Variants in VPS37C observed in about 807,000 individuals in gnomAD.
VPS37C encodes vacuolar protein sorting-associated protein 37C.
A neutral mutation model predicts 16.1 loss-of-function variants in VPS37C; 9 were observed. The ratio of observed to expected loss-of-function variants is 0.56; its 90% CI spans 0.34 to 0.97. The LOEUF (loss-of-function observed/expected upper bound fraction) is 0.97, where lower values mean the gene tolerates loss of function less well. Ranked by LOEUF, VPS37C falls within the 50% of genes least tolerant of loss-of-function variation. The pLI is 0.02. For missense variants in VPS37C, 479 were observed against 472.7 expected (o/e 1.01, Z -0.12); for synonymous variants, 207 against 206.4 (o/e 1.00, Z -0.02).
At chr11:61,150,030 A>G (rs1397300708) in intron 1 of VPS37C, among the ~76,000 whole-genome samples, 1 of 152,108 alleles carries the variant, frequency 6.6e-6, no homozygotes, top group Admixed American at 6.5e-5. Context: ...TTGCTGACCC[A>G]GTCCGTCCCC....
intron 1 of VPS37C, chr11:61,143,474 T>C (rs532850839): frequency 1.4e-5 from 2 of 139,626 alleles, no homozygotes; most frequent in South Asian, 4.7e-4. Flanking sequence ...ACCTCCCGGG[T>C]TCAAGCAATT....
Position 61,158,548 on chromosome 11 carries a change from A to G in VPS37C, c.-7+2843T>C, listed in dbSNP as rs189250686. ...AATTAGAAATCAGTGTTTACCAGAT[A>G]GGAGAATAAAGTAATCCTATAATGC... On this transcript the variant is annotated intron_variant, in intron 1 of 4. Transcript: ENST00000301765. Among the ~76,000 whole-genome samples the G allele has an allele frequency of 2.1e-4, 32 of 152,374 alleles. No homozygotes were observed. In the Middle Eastern group the frequency reaches 0.01, roughly 49 times the overall value.
At chr11:61,156,724 A>G (rs1382124227) in intron 1 of VPS37C, among the ~76,000 whole-genome samples, 2 of 152,244 alleles carry the variant, frequency 1.3e-5, no homozygotes, top group Non-Finnish European at 2.9e-5. Context: ...CTATTTTTAA[A>G]AACTGTTTTA....
Position 61,131,901 on chromosome 11 carries a change from G to C in VPS37C, c.987C>G (p.Pro329=). 7.8e-7 allele frequency: 1 copy of C among 1,285,346 alleles called. No homozygotes were observed. Among genetic ancestry groups the C allele is most frequent in the Non-Finnish European group, 9.9e-7 (1 of 1,010,036 alleles). 79.6% of individuals were successfully genotyped at this position (1,285,346 alleles called of 1,614,324 possible). A position where few individuals can be genotyped will look rare whatever the true frequency, so the allele number is the denominator to read the frequency against. ...SFPGQPQPSV[P]LQPPYPPGPA... The stretch of plus-strand genomic sequence containing the variant: ...GCCCGGGGGGATAAGGGGGCTGCAG[G>C]GGCACTGAGGGCTGGGGCTGGCCTG... The change falls in exon 5 of 5, where the codon CCC becomes CCG. Residue 329 remains proline, a synonymous_variant. Transcript: ENST00000301765.
At chr11:61,153,731 G>A (rs1292737055) in intron 1 of VPS37C, among the ~76,000 whole-genome samples, 1 of 152,214 alleles carries the variant, frequency 6.6e-6, no homozygotes, top group African/African-American at 2.4e-5. Flanking sequence ...ACAGGCAGTG[G>A]AGGAGAGGAA....
chr11:61,137,912 G>A (rs1027702052), intron 2 of VPS37C, among the ~76,000 whole-genome samples: 2 of 152,176 alleles, frequency 1.3e-5, no homozygotes, highest in African/African-American at 4.8e-5. Flanking sequence ...CCATGGCATG[G>A]AAGCACGGAG....
rs117449782 is a variant in VPS37C, at chr11:61,143,182, T to A, written c.-6-4347A>T. Among the ~76,000 whole-genome samples, 310 of 151,612 alleles carry A rather than the reference T, an allele frequency of 2.0e-3. 1 individual carries two copies. Among genetic ancestry groups the A allele is most frequent in the Middle Eastern group, 0.01 (3 of 294 alleles). On this transcript the variant is annotated intron_variant, in intron 1 of 4. Transcript: ENST00000301765. ...TGGCAACCATCTTAGACAGTGGGCG[T>A]CAATATCACCCCCACCTCACAGGGG...
At position 61,134,161 on chromosome 11, in the gene VPS37C, C is replaced by T. The variant is rs374980362; in HGVS notation, c.140G>A (p.Arg47Gln). The change falls in exon 3 of 5, where the codon CGG becomes CAG. Residue 47 changes from arginine to glutamine, a missense_variant. Physicochemically the swap from Arg to Gln is conservative, Grantham distance 43. Transcript: ENST00000301765. ...CTCCAAGTTCCGCTCTGCCAGGCTC[C>T]GGTTGGTGGCCAGTGCCATCTCCCG... is the stretch of plus-strand genomic sequence containing the variant. Reference protein sequence around the residue: ...LEREMALATNRSLAERNLEFQ... With the variant: ...LEREMALATNQSLAERNLEFQ... 1.7e-5 allele frequency: 27 copies of T among 1,613,774 alleles called. No individual in the cohort carries two copies. The highest frequency in any genetic ancestry group is 2.2e-5 in the South Asian group (2 of 91,084).
chr11:61,149,971 C>A (rs908266431), intron 1 of VPS37C, among the ~76,000 whole-genome samples: 1 of 152,148 alleles, frequency 6.6e-6, no homozygotes, highest in Admixed American at 6.5e-5. Flanking sequence ...ACGCGGCAGG[C>A]TGCAGAGCCC....
At chr11:61,150,888 A>T (rs1433085843) in intron 1 of VPS37C, among the ~76,000 whole-genome samples, 1 of 152,162 alleles carries the variant, frequency 6.6e-6, no homozygotes, top group African/African-American at 2.4e-5. Context: ...AGTGTCAGGA[A>T]CTGTGACAGG....
At chr11:61,137,728 G>A (rs771171037) in intron 2 of VPS37C, among the ~76,000 whole-genome samples, 4 of 152,190 alleles carry the variant, frequency 2.6e-5, no homozygotes, top group African/African-American at 4.8e-5. Context: ...GTGGTAGGAT[G>A]TGGCCCATGG....
At chr11:61,158,461 G>A (rs1259578995) in intron 1 of VPS37C, among the ~76,000 whole-genome samples, 1 of 152,206 alleles carries the variant, frequency 6.6e-6, no homozygotes, top group Non-Finnish European at 1.5e-5. Flanking sequence ...TACCAAGACA[G>A]ACCACAGAAG....
At chr11:61,139,348 C>T (rs1861433542) in intron 1 of VPS37C, among the ~76,000 whole-genome samples, 2 of 152,122 alleles carry the variant, frequency 1.3e-5, no homozygotes, top group South Asian at 4.1e-4. Flanking sequence ...ATTTAGTGCT[C>T]CAGAAACCTC....
At chr11:61,132,587 C>T in intron 4 of VPS37C, 48 bp from the exon 5 acceptor site, 1 of 1,520,362 alleles carries the variant, frequency 6.6e-7, no homozygotes, top group Non-Finnish European at 8.8e-7. Flanking sequence ...GGGATCAAGG[C>T]CTCTTGATTT....
At position 61,132,259 on chromosome 11, in the gene VPS37C, G is replaced by A. The variant is rs1425936682; in HGVS notation, c.629C>T (p.Ser210Phe). Residue 210 changes from serine to phenylalanine, a missense_variant, in exon 5 of 5, where the codon TCC (serine) becomes TTC (phenylalanine). Ser to Phe is a radical substitution (Grantham distance 155). Coordinates refer to ENST00000301765, the MANE Select transcript of VPS37C (RefSeq NM_017966.5). ...AGTGGGGCCCACAGGCAGGCTGGGG[G>A]ATGGGCTGTAGGGCAAAGGGTAGGG... ...MPPYPLPYSP[S>F]PSLPVGPTAH... 2.0e-6 allele frequency: 3 copies of A among 1,529,166 alleles called. No homozygotes were observed. The highest frequency in any genetic ancestry group is 2.6e-5 in the South Asian group (2 of 78,078). The allele number at this position is 1,529,166 out of a possible 1,614,324, so 94.7% of individuals were successfully genotyped here. A position where few individuals can be genotyped will look rare whatever the true frequency, so the allele number is the denominator to read the frequency against.
intron 1 of VPS37C, among the ~76,000 whole-genome samples, chr11:61,142,784 G>A (rs1169946236): frequency 1.6e-5 from 2 of 121,518 alleles, no homozygotes; most frequent in African/African-American, 3.3e-5. Context: ...TGGTCTAGAG[G>A]TTAAGAGATG....
At chr11:61,140,349 AG>A (rs1385779516) in intron 1 of VPS37C, among the ~76,000 whole-genome samples, 2 of 152,220 alleles carry the variant, frequency 1.3e-5, no homozygotes, top group Non-Finnish European at 2.9e-5. Context: ...CCCATGTACC[AG>A]GAAGTCCCAG....
At chr11:61,141,764 C>A (rs1861475461) in intron 1 of VPS37C, among the ~76,000 whole-genome samples, 1 of 152,262 alleles carries the variant, frequency 6.6e-6, no homozygotes, top group Admixed American at 6.5e-5. Context: ...GCCACAGCAG[C>A]TGCACCCATA....
chr11:61,137,052 C>A (rs1223278848), intron 2 of VPS37C, among the ~76,000 whole-genome samples: 2 of 152,026 alleles, frequency 1.3e-5, no homozygotes, highest in Admixed American at 1.3e-4. Context: ...GAGATAAAAC[C>A]ATTTTGACTA....
Sources: allele counts gnomAD v4.1 joint callset (sites outside exome capture counted in the v4.1 genomes callset), GRCh38; gene constraint gnomAD v4.1.1; transcripts MANE v1.5; gene names NCBI Gene and HGNC (gene_info 2026-07-23, HGNC 2026-07-21).